Variants in WDR35 observed in about 807,000 individuals in gnomAD.
WDR35 encodes WD repeat-containing protein 35.
WDR35 carries 118 observed loss-of-function variants against 158.3 expected under a neutral mutation model. The observed-to-expected ratio is 0.75, with a 90% CI of 0.64 to 0.87. The LOEUF is 0.87. Ranked by LOEUF, WDR35 falls within the 40% of genes least tolerant of loss-of-function variation. The pLI is 0.00. For missense variants in WDR35, 1,263 were observed against 1,405.8 expected (o/e 0.90, Z 1.62); for synonymous variants, 448 against 476.1 (o/e 0.94, Z 0.77).
intron 11 of WDR35, among the ~76,000 whole-genome samples, chr2:19,957,939 G>A (rs1041175026): frequency 3.3e-5 from 5 of 152,146 alleles, no homozygotes; most frequent in Non-Finnish European, 7.4e-5. Flanking sequence ...GCCAAGCAAG[G>A]ATGTAAAATA....
intron 22 of WDR35, 145 bp from the exon 23 acceptor site, chr2:19,932,592 C>T: frequency 1.0e-6 from 1 of 966,710 alleles, no homozygotes; most frequent in Non-Finnish European, 1.6e-6. Flanking sequence ...CATTTAAAAT[C>T]ACAGCAACAT....
chr2:19,954,799 G>C (rs1238777711), intron 11 of WDR35, among the ~76,000 whole-genome samples: 1 of 152,072 alleles, frequency 6.6e-6, no homozygotes, highest in African/African-American at 2.4e-5. Flanking sequence ...CCACTCCTAG[G>C]TATGTACCCA....
intron 25 of WDR35, among the ~76,000 whole-genome samples, chr2:19,926,972 C>T (rs1324556950): frequency 6.6e-6 from 1 of 152,132 alleles, no homozygotes; most frequent in African/African-American, 2.4e-5. Context: ...GCAAGCAACA[C>T]CCGTTGAACA....
intron 16 of WDR35, among the ~76,000 whole-genome samples, chr2:19,942,834 A>C (rs1670920607): frequency 6.6e-6 from 1 of 152,132 alleles, no homozygotes; most frequent in Non-Finnish European, 1.5e-5. Context: ...TTAAATATGA[A>C]GTTTCAGACC....
intron 16 of WDR35, among the ~76,000 whole-genome samples, chr2:19,943,695 A>AT (rs536205531): frequency 3.1e-4 from 47 of 152,216 alleles, no homozygotes; most frequent in Middle Eastern, 3.4e-3. Context: ...TGTAGTGCCA[A>AT]TGAGAAGGAA....
At chr2:19,961,814 C>T (rs545695570) in intron 10 of WDR35, among the ~76,000 whole-genome samples, 32 of 152,320 alleles carry the variant, frequency 2.1e-4, no homozygotes, top group African/African-American at 7.5e-4. Flanking sequence ...AGAAAAATGC[C>T]TGGGAAAACT....
At chr2:19,938,212 G>A (rs1308863376) in intron 18 of WDR35, 53 bp downstream of exon 18, 1 of 1,612,266 alleles carries the variant, frequency 6.2e-7, no homozygotes, top group African/African-American at 1.3e-5. Context: ...ACAAAACTGA[G>A]ACTTTAAAAA....
rs1478579147 is a variant in WDR35, at chr2:19,980,733, T to C, written c.265A>G (p.Ser89Gly). The change falls in exon 4 of 27, where the codon AGT (serine) becomes GGT (glycine). Residue 89 changes from serine to glycine, a missense_variant. Coordinates refer to ENST00000281405, the MANE Select transcript of WDR35 (RefSeq NM_020779.4). ...ACAATGATAAGCCCGTTTTCATCAC[T>C]GGTAGTCAACTTCTGATACTGCTCA... is the stretch of plus-strand genomic sequence containing the variant. ...WNEQYQKLTT[S>G]DENGLIIVWM... The C allele has an allele frequency of 5.0e-6, 8 of 1,613,726 alleles. No individual in the cohort carries two copies. Among genetic ancestry groups the C allele is most frequent in the South Asian group, 2.2e-5 (2 of 91,072 alleles).
intron 23 of WDR35, 127 bp downstream of exon 23, chr2:19,932,155 GC>G: frequency 2.5e-6 from 3 of 1,182,996 alleles, no homozygotes; most frequent in African/African-American, 1.5e-5. Flanking sequence ...GTATACAGAA[GC>G]AATAAAACCA....
At position 19,975,559 on chromosome 2, in the gene WDR35, G is replaced by A. The variant is rs1447072374; in HGVS notation, c.541C>T (p.His181Tyr). ...LLFGMANGEI[H>Y]IYDNQGNFMI... ...AAATTTCCTTGATTATCGTAAATGT[G>A]TATTTCCCCATTTGCCATTCCAAAA... The change falls in exon 6 of 27, where the codon CAC becomes TAC. Residue 181 changes from histidine (H) to tyrosine (Y), a missense_variant. His to Tyr is a moderately conservative substitution (Grantham distance 83). Coordinates refer to ENST00000281405, the MANE Select transcript of WDR35 (RefSeq NM_020779.4). 1 of 1,613,796 alleles carries A rather than the reference G, an allele frequency of 6.2e-7. No homozygotes were observed. The highest frequency in any genetic ancestry group is 1.7e-5 in the Admixed American group (1 of 60,006).
rs1230706315 is a variant in WDR35, at chr2:19,975,524, A to C, written c.570+6T>G. The C allele has an allele frequency of 1.9e-6, 3 of 1,611,482 alleles. No homozygotes were observed. The highest frequency in any genetic ancestry group is 2.2e-5 in the East Asian group (1 of 44,812). ...ATAAACAAGACTGATGCATACACTT[A>C]CTTACCATAAAATTTCCTTGATTAT... On this transcript the variant is annotated splice_donor_region_variant and intron_variant, in intron 6 of 26. Transcript: ENST00000281405.
rs745580829 is a variant in WDR35 at position 19,973,679 on chromosome 2, C to T, written c.766G>A (p.Val256Ile). 4.2e-5 allele frequency: 67 copies of T among 1,613,998 alleles called. No individual in the cohort carries two copies. Among genetic ancestry groups the T allele is most frequent in the Non-Finnish European group, 5.3e-5 (63 of 1,180,028 alleles). ...ATGTGGTTCCACTGGATGCCTACTA[C>T]GTACATGCCAGTGTCAATCAAAACG... Reference protein sequence around the residue: ...NPVLIDTGMYVVGIQWNHMGS... With the variant: ...NPVLIDTGMYIVGIQWNHMGS... The change falls in exon 8 of 27, where the codon GTA becomes ATA. Residue 256 changes from valine (V) to isoleucine (I), a missense_variant. Val to Ile is a conservative substitution (Grantham distance 29). Coordinates refer to ENST00000281405, the MANE Select transcript of WDR35 (RefSeq NM_020779.4).
intron 11 of WDR35, among the ~76,000 whole-genome samples, chr2:19,954,954 A>G (rs1671376227): frequency 6.6e-6 from 1 of 152,132 alleles, no homozygotes; most frequent in South Asian, 2.1e-4. Context: ...TCCCATCCCC[A>G]CTACCAATTA....
Position 19,951,605 on chromosome 2 carries a change from T to A in WDR35, c.1401-121A>T, listed in dbSNP as rs1220755833. On this transcript the variant is annotated intron_variant, in intron 12 of 26. Transcript: ENST00000281405. ...TGTTATTTAATATAAAAATTCTGAT[T>A]ATTTTAGAGAGTTCTCAACACAGTT... 14 of 786,426 alleles carry A rather than the reference T, an allele frequency of 1.8e-5. No homozygotes were observed. In the East Asian group the frequency reaches 3.6e-4, roughly 20 times the overall value. 48.7% of individuals were successfully genotyped at this position (786,426 alleles called of 1,614,324 possible).
Position 19,938,341 on chromosome 2 carries a change from T to C in WDR35, c.1987A>G (p.Ser663Gly), listed in dbSNP as rs766314737. The change falls in exon 18 of 27, where the codon AGC (serine) becomes GGC (glycine). Residue 663 changes from serine to glycine, a missense_variant. Ser to Gly is a moderately conservative substitution (Grantham distance 56). Coordinates refer to ENST00000281405, the MANE Select transcript of WDR35 (RefSeq NM_020779.4). ...CCAACCTTCTCAATCAGTGCTCGGC[T>C]ATCTCGCAGAGACCGAATCTCAAAG... ...INFEIRSLRD[S>G]RALIEKVGIK... 2.1e-5 allele frequency: 34 copies of C among 1,614,104 alleles called. No individual in the cohort carries two copies. In the East Asian group the frequency reaches 7.4e-4, roughly 35 times the overall value.
chr2:19,982,583 T>C (rs755663615), intron 2 of WDR35, 49 bp from the exon 3 acceptor site: 10 of 1,578,574 alleles, frequency 6.3e-6, no homozygotes, highest in African/African-American at 1.4e-5. Flanking sequence ...AAAAGTGACA[T>C]ATTATAAGAT....
rs186189745 is a variant in WDR35 at position 19,917,424 on chromosome 2, G to A, written c.3122-3147C>T. ...TAACTGACAGAAGCAGGCTTCAGAA[G>A]GTGGGTAATAACAAACTCCTCCAAG... On this transcript the variant is annotated intron_variant, in intron 25 of 26. Transcript: ENST00000281405. Among the ~76,000 whole-genome samples, 49 of 152,320 alleles carry A rather than the reference G, an allele frequency of 3.2e-4. 1 individual carries two copies. In the East Asian group the frequency reaches 9.3e-3, roughly 29 times the overall value.
In WDR35 at chr2:19,914,038, C is replaced by T. The variant is rs929570678; in HGVS notation, c.3361G>A (p.Gly1121Ser). ...RKPELDSLME[G>S]GEGKLPTCVA... ...ATCCACTAATTAAAATTAGCCTACC[C>T]TTCCATAAGGCTGTCCAATTCAGGT... The change falls in exon 26 of 27, where the codon GGT (glycine) becomes AGT (serine). Residue 1121 changes from glycine (G) to serine (S), a missense_variant and splice_region_variant. Coordinates refer to ENST00000281405, the MANE Select transcript of WDR35 (RefSeq NM_020779.4). 12 of 1,613,858 alleles carry T rather than the reference C, an allele frequency of 7.4e-6. No homozygotes were observed. The highest frequency in any genetic ancestry group is 1.3e-5 in the African/African-American group (1 of 74,914).
At chr2:19,979,806 C>CACACACACA (rs55765350) in intron 4 of WDR35, among the ~76,000 whole-genome samples, 1 of 135,964 alleles carries the variant, frequency 7.4e-6, no homozygotes, top group Non-Finnish European at 1.6e-5. Flanking sequence ...CACACACACA[C>CACACACACA]TTTTTAAAAA....
Sources: gnomAD v4.1 joint callset for allele counts (sites outside exome capture counted in the v4.1 genomes callset) on GRCh38, gnomAD v4.1.1 for gene constraint, MANE v1.5 for transcripts, NCBI Gene and HGNC (gene_info 2026-07-23, HGNC 2026-07-21) for gene names.